The following DORIP1 variants were observed in gnomAD, a reference collection of about 807,000 sequenced individuals.
DORIP1 encodes the protein dopamine receptor interacting protein 1.
chr14:44,900,712 C>T, the DORIP1 span: 281 of 1,613,996 alleles, frequency 1.7e-4, 3 homozygotes, highest in South Asian at 2.9e-3. Context: ...AGACTGTTTT[C>T]TTTACTTAAT....
the DORIP1 span, chr14:44,906,655 C>T: frequency 1.3e-5 from 2 of 152,508 alleles, no homozygotes; most frequent in South Asian, 2.1e-4. Context: ...AGGGAAAATA[C>T]TTTTTGAAAT....
chr14:44,903,155 TAA>T, the DORIP1 span: 1 of 1,291,416 alleles, frequency 7.7e-7, no homozygotes, highest in Non-Finnish European at 1.1e-6. Context: ...TATAATATAT[TAA>T]GATATAAAAT....
chr14:44,899,641 T>G, the DORIP1 span, among the ~76,000 whole-genome samples: 1 of 151,982 alleles, frequency 6.6e-6, no homozygotes, highest in Non-Finnish European at 1.5e-5. Flanking sequence ...AAAGATTATG[T>G]AATGGCTATT....
At chr14:44,904,669 CA>C in the DORIP1 span, 1 of 939,666 alleles carries the variant, frequency 1.1e-6, no homozygotes, top group African/African-American at 1.7e-5. Context: ...TGAATAGAAT[CA>C]GAATTTATTA....
the DORIP1 span, chr14:44,900,980 T>G: frequency 6.5e-7 from 1 of 1,536,530 alleles, no homozygotes; most frequent in South Asian, 1.3e-5. Flanking sequence ...CTAACGTCTG[T>G]TTTGTCACTT....
chr14:44,903,152 T>C, the DORIP1 span: 1 of 1,264,254 alleles, frequency 7.9e-7, no homozygotes, highest in Non-Finnish European at 1.2e-6. Flanking sequence ...TGTTATAATA[T>C]ATTAAGATAT....
chr14:44,897,729 G>A, the DORIP1 span, among the ~76,000 whole-genome samples: 1 of 152,208 alleles, frequency 6.6e-6, no homozygotes, highest in South Asian at 2.1e-4. Context: ...CCCTAACTCG[G>A]GGACCCGCCC....
the DORIP1 span, among the ~76,000 whole-genome samples, chr14:44,898,736 T>C: frequency 6.6e-6 from 1 of 152,228 alleles, no homozygotes; most frequent in Admixed American, 6.5e-5. Context: ...GTTGGCCAAC[T>C]AGATATAAAC....
chr14:44,903,204 T>TA, the DORIP1 span: 1 of 1,596,962 alleles, frequency 6.3e-7, no homozygotes, highest in African/African-American at 1.3e-5. Flanking sequence ...ATAATTATTA[T>TA]AGTCCTCCCC....
the DORIP1 span, chr14:44,901,005 G>C: frequency 6.6e-7 from 1 of 1,521,824 alleles, no homozygotes; most frequent in East Asian, 2.3e-5. Flanking sequence ...TTTTTTTAAT[G>C]AATGTTGCTT....
the DORIP1 span, chr14:44,900,559 G>A: frequency 6.2e-7 from 1 of 1,609,922 alleles, no homozygotes; most frequent in South Asian, 1.1e-5. Flanking sequence ...CCGCAAAGCA[G>A]TATCCTGTAC....
At chr14:44,903,236 T>C in the DORIP1 span, 1 of 1,613,334 alleles carries the variant, frequency 6.2e-7, no homozygotes, top group Non-Finnish European at 8.5e-7. Flanking sequence ...CATGGAAACT[T>C]GATAAGACTG....
At chr14:44,900,759 G>A in the DORIP1 span, 2 of 1,614,054 alleles carry the variant, frequency 1.2e-6, no homozygotes, top group African/African-American at 2.7e-5. Context: ...AGCTACTTTG[G>A]ATTTGGGACA....
At chr14:44,905,917 AC>A in the DORIP1 span, 1 of 153,476 alleles carries the variant, frequency 6.5e-6, no homozygotes, top group South Asian at 2.1e-4. Flanking sequence ...TTCGAGTAAA[AC>A]CTAGGTAAAA....
the DORIP1 span, among the ~76,000 whole-genome samples, chr14:44,902,857 C>T: frequency 6.6e-6 from 1 of 152,104 alleles, no homozygotes; most frequent in East Asian, 1.9e-4. Flanking sequence ...TTATTACTTA[C>T]ATTTAATCAG....
the DORIP1 span, chr14:44,906,187 C>T: frequency 6.6e-6 from 1 of 151,414 alleles, no homozygotes; most frequent in Non-Finnish European, 1.5e-5. Flanking sequence ...TATTATAAAC[C>T]TGCCAGTGGA....
chr14:44,906,474 TA>T, the DORIP1 span: 1 of 152,392 alleles, frequency 6.6e-6, no homozygotes, highest in Non-Finnish European at 1.5e-5. Flanking sequence ...AAAGAATACT[TA>T]AAATTTTGAG....
chr14:44,904,171 G>T, the DORIP1 span: 1 of 985,270 alleles, frequency 1.0e-6, no homozygotes, highest in Non-Finnish European at 1.2e-6. Flanking sequence ...GCATTTCCTG[G>T]AGTTTTAAAC....
chr14:44,900,633 A>G, the DORIP1 span: 491 of 1,608,972 alleles, frequency 3.1e-4, no homozygotes, highest in African/African-American at 5.6e-3. Context: ...TGATGTTATT[A>G]TATGTCATTC....
Sources: allele counts gnomAD v4.1 joint callset (sites outside exome capture counted in the v4.1 genomes callset), GRCh38; gene constraint gnomAD v4.1.1; transcripts MANE v1.5; gene names NCBI Gene and HGNC (gene_info 2026-07-23, HGNC 2026-07-21).